Variants in FANCD2 observed in about 807,000 individuals in gnomAD.
FANCD2 encodes the protein Fanconi anemia group D2 protein.
FANCD2 carries 131 observed loss-of-function variants against 192.3 expected under a neutral mutation model. That is an observed-to-expected ratio of 0.68 (90% CI 0.59 to 0.79). The LOEUF (loss-of-function observed/expected upper bound fraction) is 0.79. Ranked by LOEUF, FANCD2 falls within the 30% of genes least tolerant of loss-of-function variation. FANCD2 has a pLI of 0.00. For synonymous variants in FANCD2, 524 were observed against 612.5 expected, an observed-to-expected ratio of 0.86 and a Z score of 2.13; for missense variants, 1,508 against 1,701.6, an observed-to-expected ratio of 0.89 and a Z score of 2.00.
intron 7 of FANCD2, among the ~76,000 whole-genome samples, chr3:10,038,021 C>T (rs557901937): frequency 3.3e-5 from 5 of 152,306 alleles, no homozygotes; most frequent in African/African-American, 1.2e-4. Context: ...GACGGAATCT[C>T]ACTCTGTTGC....
At chr3:10,034,604 C>G in intron 4 of FANCD2, 68 bp downstream of exon 4, 1 of 1,501,082 alleles carries the variant, frequency 6.7e-7, no homozygotes, top group Non-Finnish European at 9.3e-7. Context: ...TTTAAGGACA[C>G]TGGTATAAAG....
chr3:10,098,677 T>G (rs1309476681), intron 42 of FANCD2, 43 bp from the exon 43 acceptor site: 11 of 1,609,852 alleles, frequency 6.8e-6, no homozygotes, highest in Non-Finnish European at 9.3e-6. Flanking sequence ...ACCCTAAATG[T>G]GATCATTATA....
At chr3:10,064,478 A>G (rs774493639) in intron 22 of FANCD2, 49 bp downstream of exon 22, 2 of 1,515,428 alleles carry the variant, frequency 1.3e-6, no homozygotes. Flanking sequence ...AAGTTACATC[A>G]ATTCTGTCAG....
chr3:10,091,809 C>G (rs1176462641), intron 37 of FANCD2, among the ~76,000 whole-genome samples: 1 of 152,218 alleles, frequency 6.6e-6, no homozygotes, highest in Non-Finnish European at 1.5e-5. Context: ...GAATCAGCAA[C>G]TACCACCGGG....
At position 10,052,389 on chromosome 3, in the gene FANCD2, C is replaced by T. The variant is rs2125011867; in HGVS notation, c.1548C>T (p.Gly516=). The T allele has an allele frequency of 1.9e-6, 3 of 1,592,790 alleles. No homozygotes were observed. The highest frequency in any genetic ancestry group is 1.1e-5 in the South Asian group (1 of 90,632). ...TGTTGGCATCATTTTTTCCACAGGG[C>T]ATTTTAGATTATCTGGATAACATAT... ...AMMMNAVFVK[G]ILDYLDNISP... is the part of the protein sequence containing the mutation. Residue 516 remains glycine, a splice_region_variant and synonymous_variant, in exon 18 of 44, where the codon GGC becomes GGT. Coordinates refer to ENST00000675286, the MANE Select transcript of FANCD2 (RefSeq NM_001018115.3).
rs2125020050 is a variant in FANCD2, at chr3:10,055,905, G to T, written c.1656+3408G>T. Among the ~76,000 whole-genome samples, 2 of 152,250 alleles carry T rather than the reference G, an allele frequency of 1.3e-5. 1 individual carries two copies. The highest frequency in any genetic ancestry group is 1.3e-4 in the Admixed American group (2 of 15,292). On this transcript the variant is annotated intron_variant, in intron 18 of 43. Coordinates refer to ENST00000675286, the MANE Select transcript of FANCD2 (RefSeq NM_001018115.3). ...TTTTATTTTGTTTTGTTGAGATGGAGTCTCACTCTGTCGCCCAGGCTTGAG... is the reference window on the plus strand; with the variant it reads ...TTTTATTTTGTTTTGTTGAGATGGATTCTCACTCTGTCGCCCAGGCTTGAG...
At position 10,085,899 on chromosome 3, in the gene FANCD2, C is replaced by G. The variant is rs1203321141; in HGVS notation, c.3312C>G (p.Ser1104Arg). 1 of 1,612,262 alleles carries G rather than the reference C, an allele frequency of 6.2e-7. No individual in the cohort carries two copies. The highest frequency in any genetic ancestry group is 1.3e-5 in the African/African-American group (1 of 74,860). Residue 1104 changes from serine (S) to arginine (R), a missense_variant, in exon 33 of 44, where the codon AGC (serine) becomes AGG (arginine). Physicochemically the swap from Ser to Arg is moderately radical, Grantham distance 110. This residue lies in a region of FANCD2 where 796 missense variants were observed against 879.4 expected (regional missense o/e 0.91). Transcript: ENST00000675286. ...GCCGACTGAAACAGGGAGAACACAG[C>G]CAGCCTTTGGAGGAACTACTCAGGT... ...LSSRLKQGEH[S>R]QPLEELLSQS...
chr3:10,086,186 A>C (rs891786130), intron 33 of FANCD2, among the ~76,000 whole-genome samples: 1 of 152,222 alleles, frequency 6.6e-6, no homozygotes, highest in African/African-American at 2.4e-5. Flanking sequence ...GAAAACATTG[A>C]CCATCTGTAA....
intron 40 of FANCD2, chr3:10,094,988 C>G: frequency 3.4e-6 from 2 of 583,438 alleles, no homozygotes; most frequent in South Asian, 4.0e-5. Flanking sequence ...GGTCTTATAA[C>G]TCTCAGATTG....
chr3:10,058,103 T>C (rs967252843), intron 18 of FANCD2: 7 of 486,060 alleles, frequency 1.4e-5, no homozygotes, highest in African/African-American at 1.2e-4. Context: ...CAGTGTATCC[T>C]CTCCCCAGGT....
intron 17 of FANCD2, among the ~76,000 whole-genome samples, chr3:10,050,414 G>T (rs927569218): frequency 6.6e-6 from 1 of 150,908 alleles, no homozygotes; most frequent in Non-Finnish European, 1.5e-5. Context: ...CACGAGGTCA[G>T]GAGATCAAGA....
intron 2 of FANCD2, chr3:10,032,393 G>T (rs946879661): frequency 6.3e-6 from 2 of 315,792 alleles, no homozygotes; most frequent in Admixed American, 9.2e-5. Context: ...TTATTCTTCC[G>T]CCTTAGCCTC....
At chr3:10,082,896 G>C (rs769569924) in intron 32 of FANCD2, among the ~76,000 whole-genome samples, 2 of 151,868 alleles carry the variant, frequency 1.3e-5, no homozygotes, top group Admixed American at 6.6e-5. Flanking sequence ...CAAAAACTTT[G>C]AACAATTTAT....
At chr3:10,047,080 G>A (rs1250975756) in intron 15 of FANCD2, among the ~76,000 whole-genome samples, 2 of 152,304 alleles carry the variant, frequency 1.3e-5, no homozygotes, top group African/African-American at 4.8e-5. Context: ...AATTTTATAA[G>A]CTAGGAATAG....
chr3:10,084,665 A>G (rs1694071539), intron 32 of FANCD2, among the ~76,000 whole-genome samples: 1 of 152,200 alleles, frequency 6.6e-6, no homozygotes, highest in African/African-American at 2.4e-5. Context: ...AAGCTATGGT[A>G]GACCAAAAAC....
chr3:10,062,117 A>T (rs764640522), intron 19 of FANCD2, 34 bp from the exon 20 acceptor site: 2 of 1,506,004 alleles, frequency 1.3e-6, no homozygotes, highest in Non-Finnish European at 1.8e-6. Flanking sequence ...CTTAAAGTAT[A>T]ATAATAATTT....
intron 29 of FANCD2, among the ~76,000 whole-genome samples, chr3:10,076,828 TGATTCTTCTGCCTCCTGAGCTCAAGC>T (rs879663189): frequency 3.9e-5 from 6 of 152,134 alleles, no homozygotes; most frequent in African/African-American, 1.2e-4. Flanking sequence ...TGAGCTCAAG[TGATTCTTCTGCCTCCTGAGCTCAAGC>T]GATTCTTCTG....
chr3:10,047,799 A>C, intron 15 of FANCD2, 118 bp from the exon 16 acceptor site: 1 of 1,218,058 alleles, frequency 8.2e-7, no homozygotes, highest in Admixed American at 1.7e-5. Flanking sequence ...AGATTTCCTA[A>C]GTTAAAATGA....
intron 26 of FANCD2, among the ~76,000 whole-genome samples, chr3:10,070,413 C>G (rs1247370006): frequency 1.6e-5 from 2 of 127,856 alleles, no homozygotes; most frequent in Admixed American, 7.9e-5. Flanking sequence ...GCTGCCCCGT[C>G]CGGGAGGTGA....
Sources: gnomAD v4.1 joint callset for allele counts (sites outside exome capture counted in the v4.1 genomes callset) on GRCh38, gnomAD v4.1.1 for gene constraint, gnomAD v4.1.1 regional missense constraint, MANE v1.5 for transcripts, NCBI Gene and HGNC (gene_info 2026-07-23, HGNC 2026-07-21) for gene names.